KCNMB2: variants seen among roughly 807,000 people sequenced by gnomAD.
KCNMB2 encodes the protein potassium calcium-activated channel subfamily M regulatory beta subunit 2, also known as calcium-activated potassium channel subunit beta-2.
KCNMB2 carries 9 observed loss-of-function variants against 24.5 expected under a neutral mutation model. The observed-to-expected ratio is 0.37, with a 90% CI of 0.22 to 0.64. The LOEUF (loss-of-function observed/expected upper bound fraction) is 0.64, where lower values mean the gene tolerates loss of function less well. KCNMB2 is among the 30% of genes least tolerant of loss of function. KCNMB2 has a pLI of 0.63. For synonymous variants in KCNMB2, 109 were observed against 104.4 expected (o/e 1.04, Z -0.27); for missense variants, 226 against 284.3 (o/e 0.79, Z 1.47).
At chr3:178,584,962 T>C (rs1717372542) in intron 1 of KCNMB2, among the ~76,000 whole-genome samples, 1 of 152,200 alleles carries the variant, frequency 6.6e-6, no homozygotes, top group African/African-American at 2.4e-5. Context: ...TGTGTTTGTG[T>C]GCACCTATCT....
intron 1 of KCNMB2, among the ~76,000 whole-genome samples, chr3:178,733,191 T>C (rs946482993): frequency 6.6e-6 from 1 of 151,820 alleles, no homozygotes; most frequent in African/African-American, 2.4e-5. Flanking sequence ...GGTAAGAGAG[T>C]TGGCCATACA....
At chr3:178,683,569 T>A (rs548806650) in intron 1 of KCNMB2, among the ~76,000 whole-genome samples, 16 of 152,300 alleles carry the variant, frequency 1.1e-4, no homozygotes, top group Admixed American at 9.8e-4. Flanking sequence ...TTATGCTAAG[T>A]CTTCACATTC....
intron 1 of KCNMB2, among the ~76,000 whole-genome samples, chr3:178,699,132 C>A (rs1721990727): frequency 6.6e-6 from 1 of 152,230 alleles, no homozygotes; most frequent in South Asian, 2.1e-4. Context: ...TGCTGTTGCA[C>A]TAGAAGTGGT....
intron 1 of KCNMB2, among the ~76,000 whole-genome samples, chr3:178,568,902 G>A (rs4857778): frequency 0.015 from 1,500 of 101,646 alleles, 8 homozygotes; most frequent in African/African-American, 0.028. Flanking sequence ...ATAGATAGAT[G>A]GATAGATAGA....
chr3:178,544,169 T>C (rs1205722660), intron 1 of KCNMB2, among the ~76,000 whole-genome samples: 1 of 152,086 alleles, frequency 6.6e-6, no homozygotes, highest in Middle Eastern at 3.2e-3. Flanking sequence ...GCCCACATGG[T>C]CAAAAAAATC....
chr3:178,616,810 A>G (rs1221818232), intron 1 of KCNMB2, among the ~76,000 whole-genome samples: 1 of 152,220 alleles, frequency 6.6e-6, no homozygotes, highest in Non-Finnish European at 1.5e-5. Context: ...AAAAGGGAGT[A>G]AACTTCCATG....
intron 1 of KCNMB2, among the ~76,000 whole-genome samples, chr3:178,646,279 T>C (rs1719920077): frequency 6.6e-6 from 1 of 152,190 alleles, no homozygotes; most frequent in South Asian, 2.1e-4. Context: ...CAGTGGACTC[T>C]TAAGGACTCT....
At chr3:178,693,892 CT>C (rs71181242) in intron 1 of KCNMB2, among the ~76,000 whole-genome samples, 40 of 144,940 alleles carry the variant, frequency 2.8e-4, no homozygotes, top group Admixed American at 4.1e-4. Context: ...TTTTCTTTTT[CT>C]TTTTTTTTTT....
chr3:178,703,447 C>T (rs1302345523), intron 1 of KCNMB2, among the ~76,000 whole-genome samples: 2 of 152,102 alleles, frequency 1.3e-5, no homozygotes, highest in Non-Finnish European at 2.9e-5. Flanking sequence ...CCTCTGGCCT[C>T]CTGCTGGTCA....
intron 1 of KCNMB2, among the ~76,000 whole-genome samples, chr3:178,582,531 AG>A (rs1235991175): frequency 6.6e-6 from 1 of 152,262 alleles, no homozygotes; most frequent in East Asian, 1.9e-4. Flanking sequence ...AAATCAGATA[AG>A]GAGCATAACA....
chr3:178,653,901 G>A (rs1720226247), intron 1 of KCNMB2, among the ~76,000 whole-genome samples: 1 of 151,982 alleles, frequency 6.6e-6, no homozygotes, highest in Admixed American at 6.6e-5. Context: ...GTATTACACT[G>A]GCCTCATGAA....
At chr3:178,758,244 ATATATATATATC>A (rs1724269583) in intron 1 of KCNMB2, among the ~76,000 whole-genome samples, 3 of 38,906 alleles carry the variant, frequency 7.7e-5, no homozygotes, top group Non-Finnish European at 1.2e-4. Flanking sequence ...CCAAGGGGAT[ATATATATATATC>A]TCCAAGGGGA....
chr3:178,679,077 A>G (rs1209924223), intron 1 of KCNMB2, among the ~76,000 whole-genome samples: 3 of 117,678 alleles, frequency 2.5e-5, no homozygotes, highest in Non-Finnish European at 5.6e-5. Context: ...ATTATACTTT[A>G]AGTTTTAGGG....
chr3:178,554,145 G>A (rs1244068865), intron 1 of KCNMB2, among the ~76,000 whole-genome samples: 1 of 151,918 alleles, frequency 6.6e-6, no homozygotes, highest in Non-Finnish European at 1.5e-5. Flanking sequence ...GCACAGAAAA[G>A]ACCTTCAACT....
chr3:178,842,159 A>G (rs1022875204), intron 4 of KCNMB2, among the ~76,000 whole-genome samples: 4 of 152,208 alleles, frequency 2.6e-5, no homozygotes, highest in African/African-American at 9.6e-5. Context: ...AAATGAAGCC[A>G]AGATAAAAAG....
chr3:178,574,648 C>G (rs1716926579), intron 1 of KCNMB2, among the ~76,000 whole-genome samples: 1 of 152,278 alleles, frequency 6.6e-6, no homozygotes, highest in Non-Finnish European at 1.5e-5. Context: ...CCAGCTGTTG[C>G]CCAGTCAGCT....
intron 1 of KCNMB2, among the ~76,000 whole-genome samples, chr3:178,733,544 G>A (rs980296613): frequency 2.6e-5 from 4 of 152,048 alleles, no homozygotes; most frequent in Admixed American, 6.6e-5. Context: ...GCAATGGCAC[G>A]ATCTCGGCTC....
At chr3:178,581,450 G>A (rs887203038) in intron 1 of KCNMB2, among the ~76,000 whole-genome samples, 6 of 152,080 alleles carry the variant, frequency 3.9e-5, no homozygotes, top group African/African-American at 1.5e-4. Context: ...TCAGGACATA[G>A]GCTTAGGCAA....
At chr3:178,778,521 C>T (rs1712692509) in intron 1 of KCNMB2, among the ~76,000 whole-genome samples, 1 of 149,264 alleles carries the variant, frequency 6.7e-6, no homozygotes, top group Admixed American at 6.7e-5. Flanking sequence ...AGGCTCACTC[C>T]CTGCATCATA....
Sources: gnomAD v4.1 joint callset for allele counts (sites outside exome capture counted in the v4.1 genomes callset) on GRCh38, gnomAD v4.1.1 for gene constraint, MANE v1.5 for transcripts, NCBI Gene and HGNC (gene_info 2026-07-23, HGNC 2026-07-21) for gene names.